QTGAL: variants seen among roughly 807,000 people sequenced by gnomAD.
QTGAL encodes the protein BGnT-like protein 1.
chr17:82,980,204 TATCA>T, the QTGAL span, among the ~76,000 whole-genome samples: 3 of 152,166 alleles, frequency 2.0e-5, no homozygotes, highest in African/African-American at 7.2e-5. Context: ...CATCAAAAAA[TATCA>T]ATTAATTGGA....
chr17:83,032,136 ACGGGT>A, the QTGAL span, among the ~76,000 whole-genome samples: 4 of 128,612 alleles, frequency 3.1e-5, no homozygotes, highest in African/African-American at 1.4e-4. Flanking sequence ...GAGCTGAACA[ACGGGT>A]CAGACCAGGC....
the QTGAL span, chr17:82,947,896 G>A: frequency 6.6e-6 from 1 of 152,290 alleles, no homozygotes; most frequent in Non-Finnish European, 1.5e-5. Context: ...AGTTTGCAAA[G>A]GAAACACACC....
chr17:82,969,968 C>T, the QTGAL span, among the ~76,000 whole-genome samples: 7 of 152,308 alleles, frequency 4.6e-5, no homozygotes, highest in African/African-American at 1.7e-4. Context: ...GTGTGAGTCA[C>T]CGTGCCTGGC....
chr17:83,004,574 T>C, the QTGAL span, among the ~76,000 whole-genome samples: 262 of 72,620 alleles, frequency 3.6e-3, 8 homozygotes, highest in African/African-American at 0.01. Flanking sequence ...ATTCCTGAGC[T>C]CGCCCTCCCA....
the QTGAL span, among the ~76,000 whole-genome samples, chr17:82,958,959 TGTGTGTGTGTACACTGTGGGGGTGTATG>T: frequency 1.4e-5 from 1 of 70,576 alleles, no homozygotes; most frequent in Non-Finnish European, 2.8e-5. Flanking sequence ...GGGGTGTATG[TGTGTGTGTGTACACTGTGGGGGTGTATG>T]GTGTGTGTGT....
chr17:83,006,166 C>CT, the QTGAL span: 1 of 986,392 alleles, frequency 1.0e-6, no homozygotes, highest in African/African-American at 1.7e-5. This position sits in a 1 kb window ranked among gnomAD's most constrained non-coding sequence, Gnocchi z 5.8. Flanking sequence ...AACAAGGAGA[C>CT]AATAGTGAAA....
At chr17:83,010,322 G>A in the QTGAL span, among the ~76,000 whole-genome samples, 6,765 of 152,242 alleles carry the variant, frequency 0.044, 159 homozygotes, top group Middle Eastern at 0.065. Flanking sequence ...CTGACAGCCC[G>A]AACTACAGCC....
chr17:83,045,806 C>CATTTATTTATTTATTTATTT, the QTGAL span, among the ~76,000 whole-genome samples: 3,344 of 151,970 alleles, frequency 0.022, 123 homozygotes, highest in African/African-American at 0.077. Context: ...GGAAGATATA[C>CATTTATTTATTTATTTATTT]ATTTATTTAT....
At chr17:83,016,335 G>A in the QTGAL span, among the ~76,000 whole-genome samples, 1 of 152,040 alleles carries the variant, frequency 6.6e-6, no homozygotes, top group Non-Finnish European at 1.5e-5. Context: ...TCTTATTCCC[G>A]CAAAACGGCC....
the QTGAL span, among the ~76,000 whole-genome samples, chr17:82,951,816 A>T: frequency 8.2e-6 from 1 of 122,124 alleles, no homozygotes; most frequent in Non-Finnish European, 1.7e-5. Flanking sequence ...GGTGGGGGGG[A>T]GCGGGGAGGC....
chr17:83,028,868 C>A, the QTGAL span, among the ~76,000 whole-genome samples: 1 of 152,326 alleles, frequency 6.6e-6, no homozygotes, highest in African/African-American at 2.4e-5. Context: ...TCGAAACAAT[C>A]TCGGTGCAGT....
chr17:83,032,481 G>C, the QTGAL span, among the ~76,000 whole-genome samples: 1 of 119,272 alleles, frequency 8.4e-6, no homozygotes, highest in South Asian at 2.6e-4. Flanking sequence ...CCAGGCCTCC[G>C]ACGCAGACCG....
chr17:82,994,080 C>T, the QTGAL span, among the ~76,000 whole-genome samples: 1 of 151,858 alleles, frequency 6.6e-6, no homozygotes, highest in Non-Finnish European at 1.5e-5. Flanking sequence ...AAATAAACAA[C>T]CTAACAATGC....
the QTGAL span, chr17:82,960,976 C>T: frequency 6.6e-7 from 1 of 1,509,844 alleles, no homozygotes; most frequent in Non-Finnish European, 8.9e-7. Context: ...GGGTCGGCCC[C>T]ACCAACCCCG....
the QTGAL span, among the ~76,000 whole-genome samples, chr17:83,013,341 C>A: frequency 1.4e-5 from 2 of 147,726 alleles, no homozygotes; most frequent in Non-Finnish European, 3.0e-5. Context: ...GCCGGCTGCA[C>A]CCCCAGCACC....
At chr17:83,026,608 C>T in the QTGAL span, among the ~76,000 whole-genome samples, 21 of 149,716 alleles carry the variant, frequency 1.4e-4, 2 homozygotes, top group African/African-American at 7.4e-5. Context: ...AACCCACCAT[C>T]GACCGATACA....
At chr17:83,009,768 A>C in the QTGAL span, among the ~76,000 whole-genome samples, 1 of 152,102 alleles carries the variant, frequency 6.6e-6, no homozygotes, top group African/African-American at 2.4e-5. Flanking sequence ...AAATGAACGC[A>C]GAGAGCTCAG....
chr17:83,045,810 T>A, the QTGAL span, among the ~76,000 whole-genome samples: 4 of 152,118 alleles, frequency 2.6e-5, no homozygotes, highest in South Asian at 8.3e-4. Context: ...GATATACATT[T>A]ATTTATTTAT....
At chr17:82,991,269 C>T in the QTGAL span, among the ~76,000 whole-genome samples, 1 of 152,250 alleles carries the variant, frequency 6.6e-6, no homozygotes, top group African/African-American at 2.4e-5. Context: ...CTACCCAAAT[C>T]TCATCTTGAA....
Sources: allele counts gnomAD v4.1 joint callset (sites outside exome capture counted in the v4.1 genomes callset), GRCh38; gene constraint gnomAD v4.1.1; non-coding constraint Gnocchi (gnomAD v3.1); transcripts MANE v1.5; gene names NCBI Gene and HGNC (gene_info 2026-07-23, HGNC 2026-07-21).